Variants in MEFV observed in about 807,000 individuals in gnomAD.
MEFV encodes MEFV innate immunity regulator, pyrin.
Under a neutral mutation model 62.5 loss-of-function variants are expected in MEFV, and 60 were observed. The observed-to-expected ratio is 0.96, with a 90% CI of 0.78 to 1.19. The LOEUF (loss-of-function observed/expected upper bound fraction) is 1.19, where lower values mean the gene tolerates loss of function less well. Ranked by LOEUF, MEFV falls within the 50% of genes most tolerant of loss-of-function variation. The probability of loss-of-function intolerance (pLI) is 0.00; values close to 1 mark genes in which losing one functional copy is unlikely to be tolerated. For synonymous variants in MEFV, 500 were observed against 415.2 expected (o/e 1.20, Z -2.48); for missense variants, 1,169 against 1,004.5 (o/e 1.16, Z -2.21).
At chr16:3,256,245 G>T in intron 1 of MEFV, 66 bp downstream of exon 1, 1 of 1,568,480 alleles carries the variant, frequency 6.4e-7, no homozygotes, top group Admixed American at 1.8e-5. Context: ...CTGAGCTCCT[G>T]GTCCCCTTTC....
chr16:3,256,506 G>T lies in MEFV; in HGVS notation c.82C>A (p.Leu28Met). 5.0e-6 allele frequency: 8 copies of T among 1,614,220 alleles called. No homozygotes were observed. The highest frequency in any genetic ancestry group is 6.8e-6 in the Non-Finnish European group (8 of 1,180,042). Residue 28 changes from leucine (L) to methionine (M), a missense_variant, in exon 1 of 10, where the codon CTG (leucine) becomes ATG (methionine). By Grantham distance (15) the Leu-to-Met change is conservative. Coordinates refer to ENST00000219596, the MANE Select transcript of MEFV (RefSeq NM_000243.3). ...PYDFEKFKFKLQNTSVQKEHS... is the reference protein window; with the variant it reads ...PYDFEKFKFKMQNTSVQKEHS... Reference sequence around the variant, plus strand: ...TCCTTCTGCACACTGGTGTTCTGCAGCTTGAACTTGAACTTCTCGAAGTCA... The same window carrying T: ...TCCTTCTGCACACTGGTGTTCTGCATCTTGAACTTGAACTTCTCGAAGTCA...
At chr16:3,244,319 G>C (rs200473576) in intron 7 of MEFV, 33 bp from the exon 8 acceptor site, 1 of 1,613,894 alleles carries the variant, frequency 6.2e-7, no homozygotes, top group South Asian at 1.1e-5. Context: ...GAGAGAAGCT[G>C]GAGTTAGGTC....
At chr16:3,246,871 C>G in intron 5 of MEFV, 145 bp downstream of exon 5, 3 of 823,304 alleles carry the variant, frequency 3.6e-6, no homozygotes, top group East Asian at 5.3e-5. Flanking sequence ...GCACAAGAGG[C>G]ACTGTGGGTC....
rs1398177500 is a variant in MEFV at position 3,247,078 on chromosome 16, G to A, written c.1525C>T (p.Leu509Phe). The A allele has an allele frequency of 1.2e-6, 2 of 1,614,188 alleles. No individual in the cohort carries two copies. The highest frequency in any genetic ancestry group is 1.7e-5 in the Admixed American group (1 of 60,014). The change falls in exon 5 of 10, where the codon CTC (leucine) becomes TTC (phenylalanine). Residue 509 changes from leucine to phenylalanine, a missense_variant. Coordinates refer to ENST00000219596, the MANE Select transcript of MEFV (RefSeq NM_000243.3). ...TCCAGTTCCCCAATCAGCGCATCGAGCAGGGCGATGTCCTGGGATACGCGG... is the reference window on the plus strand; with the variant it reads ...TCCAGTTCCCCAATCAGCGCATCGAACAGGGCGATGTCCTGGGATACGCGG... ...DTRVSQDIAL[L>F]DALIGELEAK...
In MEFV at chr16:3,256,310, C is replaced by T. The variant is rs1328913013; in HGVS notation, c.277+1G>A. 3 of 1,613,474 alleles carry T rather than the reference C, an allele frequency of 1.9e-6. No individual in the cohort carries two copies. Among genetic ancestry groups the T allele is most frequent in the Non-Finnish European group, 2.5e-6 (3 of 1,179,918 alleles). ...TGAGGAGGAGGCCTGGGCCCGCTTACCCTGAATGGCTGCCCTGTGGAGCTC... is the reference window on the plus strand; with the variant it reads ...TGAGGAGGAGGCCTGGGCCCGCTTATCCTGAATGGCTGCCCTGTGGAGCTC... On this transcript the variant is annotated splice_donor_variant, in intron 1 of 9. Coordinates refer to ENST00000219596, the MANE Select transcript of MEFV (RefSeq NM_000243.3). LOFTEE classifies it high-confidence loss of function.
chr16:3,242,979 A>G lies in MEFV; in HGVS notation c.*162T>C, dbSNP rs773746053. On this transcript the variant is annotated 3_prime_UTR_variant, in exon 10 of 10. Coordinates refer to ENST00000219596, the MANE Select transcript of MEFV (RefSeq NM_000243.3). ...GGATTGACTAACATGTTCGTTCCTA[A>G]CTTACCTCTGCTATAATCGGGTAGG... is the stretch of plus-strand genomic sequence containing the variant. 37 of 753,778 alleles carry G rather than the reference A, an allele frequency of 4.9e-5. No individual in the cohort carries two copies. The highest frequency in any genetic ancestry group is 6.9e-5 in the Non-Finnish European group (31 of 449,002). The allele number at this position is 753,778 out of a possible 1,614,324, so 46.7% of individuals were successfully genotyped here. A position where few individuals can be genotyped will look rare whatever the true frequency, so the allele number is the denominator to read the frequency against.
rs183568578 is a variant in MEFV at position 3,248,131 on chromosome 16, C to T, written c.1356+778G>A. Among the ~76,000 whole-genome samples the T allele has an allele frequency of 8.6e-5, 13 of 150,974 alleles. No homozygotes were observed. In the East Asian group the frequency reaches 2.4e-3, roughly 27 times the overall value. On this transcript the variant is annotated intron_variant, in intron 4 of 9. Transcript: ENST00000219596. Reference sequence around the variant, plus strand: ...AAAATTAGCCAGGCGCGGTGGCAGGCGCCTGTAATTCCAGCCACTAAGGAG... The same window carrying T: ...AAAATTAGCCAGGCGCGGTGGCAGGTGCCTGTAATTCCAGCCACTAAGGAG...
chr16:3,246,086 C>T (rs1958938794), intron 6 of MEFV, among the ~76,000 whole-genome samples: 1 of 152,176 alleles, frequency 6.6e-6, no homozygotes. Flanking sequence ...TTTTGTAAAG[C>T]TCCCAGGTGA....
chr16:3,254,376 A>G lies in MEFV; in HGVS notation c.692T>C (p.Val231Ala), dbSNP rs779482218. 6.2e-7 allele frequency: 1 copy of G among 1,614,094 alleles called. No individual in the cohort carries two copies. The highest frequency in any genetic ancestry group is 1.3e-5 in the African/African-American group (1 of 75,046). The change falls in exon 2 of 10, where the codon GTG (valine) becomes GCG (alanine). Residue 231 changes from valine to alanine, a missense_variant. Val to Ala is a moderately conservative substitution (Grantham distance 64). Coordinates refer to ENST00000219596, the MANE Select transcript of MEFV (RefSeq NM_000243.3). ...TCGCATCTTTCCCGAGGGCAGGTAC[A>G]CTTCGAAGGGCCTGCACTCCTTCTG... The part of the protein sequence containing the change: ...PGQKECRPFE[V>A]YLPSGKMRPR...
chr16:3,255,042 C>T (rs1010881896), intron 1 of MEFV, among the ~76,000 whole-genome samples: 6 of 152,164 alleles, frequency 3.9e-5, no homozygotes, highest in African/African-American at 7.2e-5. Flanking sequence ...ATAAGCTGAG[C>T]GTGGTGGCGC....
At chr16:3,245,767 G>A (rs1958933819) in intron 6 of MEFV, among the ~76,000 whole-genome samples, 1 of 152,082 alleles carries the variant, frequency 6.6e-6, no homozygotes, top group African/African-American at 2.4e-5. Context: ...TAGGATGGTG[G>A]TTCCTCAAAA....
chr16:3,244,837 A>C (rs1463354777), intron 6 of MEFV, among the ~76,000 whole-genome samples: 1 of 152,220 alleles, frequency 6.6e-6, no homozygotes, highest in African/African-American at 2.4e-5. Context: ...TGGACTTAAA[A>C]TGACATTGAT....
At chr16:3,248,712 G>C (rs935195872) in intron 4 of MEFV, 197 bp downstream of exon 4, 2 of 1,439,936 alleles carry the variant, frequency 1.4e-6, no homozygotes, top group South Asian at 1.4e-5. Context: ...GATCCTCAGA[G>C]GTGACCCCTG....
rs749238880 is a variant in MEFV, at chr16:3,243,813, C to T, written c.1792+47G>A. Reference sequence around the variant, plus strand: ...TTCTGGAACGTGGTAGGGGAGAGCACAGGGATCCAGCAGGCCAGGGCCACT... The same window carrying T: ...TTCTGGAACGTGGTAGGGGAGAGCATAGGGATCCAGCAGGCCAGGGCCACT... On this transcript the variant is annotated intron_variant, in intron 9 of 9. Transcript: ENST00000219596. The T allele has an allele frequency of 4.0e-5, 64 of 1,610,212 alleles. No individual in the cohort carries two copies. The South Asian group carries it at 6.4e-4, about 16-fold the overall frequency.
chr16:3,252,191 G>A (rs755155235), intron 2 of MEFV: 10 of 183,308 alleles, frequency 5.5e-5, no homozygotes, highest in Non-Finnish European at 1.1e-4. Flanking sequence ...GGAAGACCCA[G>A]GGACTTCTGG....
At chr16:3,244,609 A>C in intron 6 of MEFV, 21 bp from the exon 7 acceptor site, 1 of 1,596,454 alleles carries the variant, frequency 6.3e-7, no homozygotes, top group South Asian at 1.1e-5. Flanking sequence ...AAGACTGTTG[A>C]CCAGAGAAGG....
At position 3,244,503 on chromosome 16, in the gene MEFV, A is replaced by T. The variant is rs568376586; in HGVS notation, c.1696T>A (p.Phe566Ile). The T allele has an allele frequency of 3.1e-6, 5 of 1,613,840 alleles. No individual in the cohort carries two copies. The highest frequency in any genetic ancestry group is 4.2e-6 in the Non-Finnish European group (5 of 1,180,010). Residue 566 changes from phenylalanine (F) to isoleucine (I), a missense_variant, in exon 7 of 10, where the codon TTT (phenylalanine) becomes ATT (isoleucine). By Grantham distance (21) the Phe-to-Ile change is conservative. Coordinates refer to ENST00000219596, the MANE Select transcript of MEFV (RefSeq NM_000243.3). ...AAGTACTTTGTGCTCTTCTCCACAA[A>T]CTCTGACTTCTGGTGGAGGAGTTGG... is the stretch of plus-strand genomic sequence containing the variant. ...KIQLLHQKSE[F>I]VEKSTKYFSE...
intron 2 of MEFV, among the ~76,000 whole-genome samples, chr16:3,251,046 A>AG (rs1397280492): frequency 5.4e-5 from 8 of 148,216 alleles, no homozygotes; most frequent in African/African-American, 1.8e-4. Flanking sequence ...AAAAAAAAAA[A>AG]GAAATAGAAA....
intron 7 of MEFV, 74 bp downstream of exon 7, chr16:3,244,399 G>A (rs1958908745): frequency 1.0e-5 from 16 of 1,593,422 alleles, no homozygotes; most frequent in Non-Finnish European, 1.2e-5. Flanking sequence ...GGAGGGAAGT[G>A]AGGGGCTCTG....
Sources: allele counts gnomAD v4.1 joint callset (sites outside exome capture counted in the v4.1 genomes callset), GRCh38; gene constraint gnomAD v4.1.1; transcripts MANE v1.5; gene names NCBI Gene and HGNC (gene_info 2026-07-23, HGNC 2026-07-21).